KCNMA1: variants seen among roughly 807,000 people sequenced by gnomAD.
KCNMA1 encodes the protein Calcium-activated potassium channel subunit alpha-1.
Under a neutral mutation model 140.0 loss-of-function variants are expected in KCNMA1, and 29 were observed. The ratio of observed to expected loss-of-function variants is 0.21; its 90% CI spans 0.15 to 0.28. The LOEUF (loss-of-function observed/expected upper bound fraction) is 0.28. Among genes scored for constraint, KCNMA1 ranks in the 10% least tolerant of loss-of-function variants. The pLI, the probability that KCNMA1 is intolerant of heterozygous loss-of-function variation, is 1.00. For missense variants in KCNMA1, 880 were observed against 1,602.2 expected (o/e 0.55, Z 7.70); for synonymous variants, 612 against 611.9 (o/e 1.00, Z 0.00).
intron 27 of KCNMA1, among the ~76,000 whole-genome samples, chr10:76,888,786 G>T (rs10824463): frequency 7.2e-5 from 11 of 152,218 alleles, no homozygotes; most frequent in African/African-American, 1.4e-4. Context: ...ATCTTAGGGC[G>T]GGGTGTGGTG....
intron 1 of KCNMA1, 184 bp downstream of exon 1, chr10:77,637,081 G>A (rs1173405063): frequency 1.5e-6 from 2 of 1,336,092 alleles, no homozygotes; most frequent in South Asian, 1.5e-5. Context: ...CCTCACCCCC[G>A]GCGCGCCGCC....
Position 77,627,916 on chromosome 10 carries a change from C to T in KCNMA1, c.378+9349G>A, listed in dbSNP as rs534747024. Among the ~76,000 whole-genome samples, 13 of 152,330 alleles carry T rather than the reference C, an allele frequency of 8.5e-5. No homozygotes were observed. In the South Asian group the frequency reaches 2.7e-3, roughly 32 times the overall value. ...CTTCCACCACTGTGAATTTATAGTTCCATGCGCTTCTGCACTTGTTAAATC... is the reference window on the plus strand; with the variant it reads ...CTTCCACCACTGTGAATTTATAGTTTCATGCGCTTCTGCACTTGTTAAATC... On this transcript the variant is annotated intron_variant, in intron 1 of 27. Transcript: ENST00000286628.
rs1327650793 is a variant in KCNMA1 at position 77,589,336 on chromosome 10, AGCACATGGAC to A, written c.378+47919_378+47928del. Reference sequence around the variant, plus strand: ...GTTAAAACGATGGGGCTGAATCAGAAGCACATGGACGGCCCTTCTTGTTCCCGTGTTCTCT... The same window carrying A: ...GTTAAAACGATGGGGCTGAATCAGAAGGCCCTTCTTGTTCCCGTGTTCTCT... On this transcript the variant is annotated intron_variant, in intron 1 of 27. Transcript: ENST00000286628. Among the ~76,000 whole-genome samples the A allele has an allele frequency of 3.3e-5, 5 of 152,296 alleles. No individual in the cohort carries two copies. In the East Asian group the frequency reaches 9.7e-4, roughly 29 times the overall value.
intron 22 of KCNMA1, among the ~76,000 whole-genome samples, chr10:76,945,306 T>C (rs977437461): frequency 6.6e-6 from 1 of 152,150 alleles, no homozygotes; most frequent in Non-Finnish European, 1.5e-5. Flanking sequence ...GAAATTGTCT[T>C]GATTTAAGTA....
rs184365385 is a variant in KCNMA1, at chr10:76,992,358, G to A, written c.2266+9049C>T. On this transcript the variant is annotated intron_variant, in intron 19 of 27. Coordinates refer to ENST00000286628, the MANE Select transcript of KCNMA1 (RefSeq NM_001161352.2). ...GCACTATCTAGCTATTTACAGAAAG[G>A]CCTTTGCAATTCCCTCTGAGATTTC... Among the ~76,000 whole-genome samples, 7 of 152,308 alleles carry A rather than the reference G, an allele frequency of 4.6e-5. No individual in the cohort carries two copies. The East Asian group carries it at 1.4e-3, about 29-fold the overall frequency.
chr10:77,151,442 G>A (rs1248783220), intron 5 of KCNMA1, among the ~76,000 whole-genome samples: 1 of 138,948 alleles, frequency 7.2e-6, no homozygotes, highest in Non-Finnish European at 1.5e-5. Context: ...TGGTCAGGAT[G>A]GTCTCGATCT....
chr10:77,402,140 C>A (rs1280036378), intron 2 of KCNMA1, among the ~76,000 whole-genome samples: 1 of 152,206 alleles, frequency 6.6e-6, no homozygotes, highest in Non-Finnish European at 1.5e-5. Context: ...AATACACTAC[C>A]TCCATTTTGT....
intron 14 of KCNMA1, among the ~76,000 whole-genome samples, chr10:77,049,947 C>T (rs905451398): frequency 3.3e-5 from 5 of 152,062 alleles, no homozygotes; most frequent in African/African-American, 1.2e-4. Flanking sequence ...ATTCTAAATC[C>T]GATAACTTGG....
chr10:77,108,278 T>A lies in KCNMA1; in HGVS notation c.1223+203A>T. On this transcript the variant is annotated intron_variant, in intron 9 of 27. Coordinates refer to ENST00000286628, the MANE Select transcript of KCNMA1 (RefSeq NM_001161352.2). This position sits in a 1 kb window ranked among gnomAD's most constrained non-coding sequence, Gnocchi z 4.6. ...TCAACCACATCTTTTCTGATGCAAC[T>A]GACTTACTTTCTGCCTCCATGTTTG... The A allele has an allele frequency of 2.0e-6, 3 of 1,467,552 alleles. No individual in the cohort carries two copies. Among genetic ancestry groups the A allele is most frequent in the Non-Finnish European group, 2.7e-6 (3 of 1,116,900 alleles). 90.9% of individuals were successfully genotyped at this position (1,467,552 alleles called of 1,614,324 possible).
chr10:77,443,335 G>A (rs1352373571), intron 1 of KCNMA1, among the ~76,000 whole-genome samples: 2 of 152,184 alleles, frequency 1.3e-5, no homozygotes, highest in African/African-American at 2.4e-5. Context: ...CAACCTCCTT[G>A]AGATCCATCA....
chr10:77,355,512 G>A (rs1243909966), intron 2 of KCNMA1, among the ~76,000 whole-genome samples: 1 of 152,162 alleles, frequency 6.6e-6, no homozygotes, highest in Admixed American at 6.5e-5. Context: ...TTTCCTTCCT[G>A]TTGGGCATGA....
intron 20 of KCNMA1, among the ~76,000 whole-genome samples, chr10:76,963,785 A>T (rs1181402440): frequency 6.6e-6 from 1 of 152,190 alleles, no homozygotes; most frequent in Non-Finnish European, 1.5e-5. Flanking sequence ...GCAAAGTGCA[A>T]TACTTACAAT....
chr10:76,897,445 T>C (rs1040077048), intron 25 of KCNMA1, among the ~76,000 whole-genome samples: 2 of 151,926 alleles, frequency 1.3e-5, no homozygotes, highest in African/African-American at 4.8e-5. Context: ...CTCTAGAAAA[T>C]GTAAGAGGAA....
intron 1 of KCNMA1, among the ~76,000 whole-genome samples, chr10:77,630,238 A>T (rs2093021270): frequency 6.6e-6 from 1 of 152,162 alleles, no homozygotes; most frequent in Non-Finnish European, 1.5e-5. Context: ...CTGGGGCATC[A>T]CCGCAGTGCA....
chr10:77,621,575 T>A (rs1289690503), intron 1 of KCNMA1, among the ~76,000 whole-genome samples: 8 of 152,058 alleles, frequency 5.3e-5, no homozygotes, highest in Non-Finnish European at 1.2e-4. Flanking sequence ...AAAAACCTAC[T>A]TAAATTCTGC....
chr10:76,926,796 G>A (rs113948258), intron 23 of KCNMA1, among the ~76,000 whole-genome samples: 3 of 152,154 alleles, frequency 2.0e-5, no homozygotes, highest in South Asian at 4.2e-4. Context: ...TCACATTGTC[G>A]GTATCAACAA....
Position 76,934,512 on chromosome 10 carries a change from G to T in KCNMA1, c.2902+10261C>A, listed in dbSNP as rs74515097. Among the ~76,000 whole-genome samples the T allele has an allele frequency of 3.7e-3, 568 of 152,300 alleles. 1 individual carries two copies. Among genetic ancestry groups the T allele is most frequent in the African/African-American group, 0.013 (547 of 41,564 alleles). On this transcript the variant is annotated intron_variant, in intron 23 of 27. Coordinates refer to ENST00000286628, the MANE Select transcript of KCNMA1 (RefSeq NM_001161352.2). Reference sequence around the variant, plus strand: ...CTCTGCACAAGGAATACACTGAAATGTTCCAAGCCCTGTATCCTTAAGTAT... The same window carrying T: ...CTCTGCACAAGGAATACACTGAAATTTTCCAAGCCCTGTATCCTTAAGTAT...
At chr10:77,392,801 A>C (rs956715656) in intron 2 of KCNMA1, among the ~76,000 whole-genome samples, 1 of 151,856 alleles carries the variant, frequency 6.6e-6, no homozygotes, top group Admixed American at 6.6e-5. Flanking sequence ...CATCAAACCC[A>C]CCTCCCCAAA....
At chr10:76,985,587 T>C (rs1873694) in intron 19 of KCNMA1, among the ~76,000 whole-genome samples, 140,126 of 152,288 alleles carry the variant, frequency 0.92, 64,496 homozygotes, top group East Asian at 1. Context: ...ATAGAGAAGT[T>C]GTGGAAAATA....
Sources: gnomAD v4.1 joint callset for allele counts (sites outside exome capture counted in the v4.1 genomes callset) on GRCh38, gnomAD v4.1.1 for gene constraint, Gnocchi (gnomAD v3.1) non-coding constraint, MANE v1.5 for transcripts, NCBI Gene and HGNC (gene_info 2026-07-23, HGNC 2026-07-21) for gene names.